The following CDH13 variants were observed in gnomAD, a reference collection of about 807,000 sequenced individuals.
CDH13 encodes cadherin 13, also known as cadherin-13.
In CDH13, 24 loss-of-function variants were observed where a neutral mutation model predicts 63.8. The ratio of observed to expected loss-of-function variants is 0.38; its 90% confidence interval spans 0.27 to 0.53. The LOEUF is 0.53. Ranked by LOEUF, CDH13 falls within the 20% of genes least tolerant of loss-of-function variation. The pLI is 0.85. For missense variants in CDH13, 1,049 were observed against 903.1 expected (o/e 1.16, Z -2.07); for synonymous variants, 503 against 355.3 (o/e 1.42, Z -4.67).
intron 2 of CDH13, among the ~76,000 whole-genome samples, chr16:82,883,423 T>A (rs1482514394): frequency 2.6e-5 from 4 of 152,214 alleles, no homozygotes; most frequent in Non-Finnish European, 5.9e-5. Context: ...AAATGCAGAT[T>A]GCCAGGCCCT....
intron 1 of CDH13, among the ~76,000 whole-genome samples, chr16:82,677,568 T>C (rs1033121429): frequency 2.0e-5 from 3 of 151,154 alleles, no homozygotes; most frequent in African/African-American, 7.3e-5. Flanking sequence ...ATAAGGCAGA[T>C]AGGATTAGGT....
intron 1 of CDH13, among the ~76,000 whole-genome samples, chr16:82,766,265 C>T (rs2035050819): frequency 6.6e-6 from 1 of 152,108 alleles, no homozygotes; most frequent in East Asian, 1.9e-4. Context: ...GGTCAAGATG[C>T]ACTGAGAATA....
intron 2 of CDH13, among the ~76,000 whole-genome samples, chr16:82,891,100 T>C (rs2041066200): frequency 6.6e-6 from 1 of 151,564 alleles, no homozygotes. Context: ...TCTTTTATTA[T>C]CTCAGAACTC....
At chr16:82,854,673 G>C (rs557617474) in intron 1 of CDH13, among the ~76,000 whole-genome samples, 3 of 152,290 alleles carry the variant, frequency 2.0e-5, no homozygotes, top group Admixed American at 1.3e-4. Context: ...TCATCTTTGA[G>C]ATCCCAGCAG....
Position 83,125,380 on chromosome 16 carries a change from T to G in CDH13, c.367-5T>G. 1 of 1,454,228 alleles carries G rather than the reference T, an allele frequency of 6.9e-7. No individual in the cohort carries two copies. The highest frequency in any genetic ancestry group is 9.7e-7 in the Non-Finnish European group (1 of 1,035,202). 90.1% of individuals were successfully genotyped at this position (1,454,228 alleles called of 1,614,324 possible). A position where few individuals can be genotyped will look rare whatever the true frequency, so the allele number is the denominator to read the frequency against. On this transcript the variant is annotated splice_region_variant and splice_polypyrimidine_tract_variant and intron_variant, in intron 3 of 13. Coordinates refer to ENST00000567109, the MANE Select transcript of CDH13 (RefSeq NM_001257.5). Reference sequence around the variant, plus strand: ...TTTAATCAATCCTTTTGTTTTCCCTTTTAGGATATATTTAAATTTGCAAGA... The same window carrying G: ...TTTAATCAATCCTTTTGTTTTCCCTGTTAGGATATATTTAAATTTGCAAGA...
At chr16:83,527,955 T>A (rs983071330) in intron 7 of CDH13, among the ~76,000 whole-genome samples, 1 of 152,192 alleles carries the variant, frequency 6.6e-6, no homozygotes, top group African/African-American at 2.4e-5. Flanking sequence ...ATATTAGAGA[T>A]CTTCCTCGAA....
At chr16:83,755,570 G>A (rs1194072528) in intron 11 of CDH13, among the ~76,000 whole-genome samples, 1 of 152,028 alleles carries the variant, frequency 6.6e-6, no homozygotes, top group African/African-American at 2.4e-5. Flanking sequence ...AATAAAAGAG[G>A]CATTTACCTG....
intron 1 of CDH13, among the ~76,000 whole-genome samples, chr16:82,851,899 T>C (rs1254602487): frequency 2.0e-5 from 3 of 152,190 alleles, no homozygotes; most frequent in Non-Finnish European, 4.4e-5. Context: ...ACCCTCCAAA[T>C]TGATCTCAAT....
chr16:83,117,392 A>G (rs757144630), intron 3 of CDH13, among the ~76,000 whole-genome samples: 6 of 126,206 alleles, frequency 4.8e-5, no homozygotes, highest in Non-Finnish European at 8.7e-5. Context: ...TTCTTCCTCC[A>G]TCTTCCACTG....
intron 4 of CDH13, among the ~76,000 whole-genome samples, chr16:83,167,246 C>T (rs1222786592): frequency 6.6e-6 from 1 of 151,080 alleles, no homozygotes; most frequent in African/African-American, 2.4e-5. Flanking sequence ...CCTGTAATCC[C>T]AGAACTTTGG....
chr16:82,673,904 C>T (rs549928479), intron 1 of CDH13, among the ~76,000 whole-genome samples: 15 of 152,284 alleles, frequency 9.9e-5, no homozygotes, highest in East Asian at 7.7e-4. Flanking sequence ...TATCCAGGTC[C>T]GGCAATGTGT....
chr16:82,966,046 G>A (rs892189512), intron 2 of CDH13, among the ~76,000 whole-genome samples: 13 of 152,210 alleles, frequency 8.5e-5, no homozygotes, highest in African/African-American at 3.1e-4. Flanking sequence ...TACCTTGGCA[G>A]GCAGGCTCAG....
At chr16:83,611,333 C>T (rs1164304258) in intron 8 of CDH13, among the ~76,000 whole-genome samples, 1 of 151,822 alleles carries the variant, frequency 6.6e-6, no homozygotes, top group African/African-American at 2.4e-5. Context: ...TTTGCCTACC[C>T]CAAAGGTTTA....
rs1200993821 is a variant in CDH13, at chr16:83,038,581, C to T, written c.366+6363C>T. ...ATGTCTGGACAGAATCATGACTTTT[C>T]CCCACCAAATCTGCTGTTTCTCATG... On this transcript the variant is annotated intron_variant, in intron 3 of 13. Coordinates refer to ENST00000567109, the MANE Select transcript of CDH13 (RefSeq NM_001257.5). Among the ~76,000 whole-genome samples, 3 of 152,166 alleles carry T rather than the reference C, an allele frequency of 2.0e-5. No individual in the cohort carries two copies. The South Asian group carries it at 6.2e-4, about 32-fold the overall frequency.
intron 4 of CDH13, among the ~76,000 whole-genome samples, chr16:83,173,635 A>G (rs1433427695): frequency 6.6e-6 from 1 of 152,114 alleles, no homozygotes; most frequent in Non-Finnish European, 1.5e-5. Flanking sequence ...TGAAATTCTA[A>G]TTTTACTAGG....
intron 7 of CDH13, among the ~76,000 whole-genome samples, chr16:83,559,437 G>C (rs1012249457): frequency 1.3e-5 from 2 of 152,068 alleles, no homozygotes; most frequent in South Asian, 2.1e-4. Flanking sequence ...TGGGCATGGT[G>C]GCGTGTACCT....
chr16:83,247,736 A>G (rs535033858), intron 5 of CDH13, among the ~76,000 whole-genome samples: 15 of 152,276 alleles, frequency 9.9e-5, no homozygotes, highest in African/African-American at 3.1e-4. Flanking sequence ...AGTCCACCCC[A>G]CCTATAATTA....
At chr16:83,330,806 A>G (rs532674617) in intron 5 of CDH13, among the ~76,000 whole-genome samples, 7 of 152,292 alleles carry the variant, frequency 4.6e-5, no homozygotes, top group South Asian at 2.1e-4. Flanking sequence ...CATGAGCCCT[A>G]TGCTTCCTCT....
intron 7 of CDH13, among the ~76,000 whole-genome samples, chr16:83,541,115 C>T (rs574830440): frequency 6.6e-6 from 1 of 152,224 alleles, no homozygotes; most frequent in Non-Finnish European, 1.5e-5. Flanking sequence ...ACTCTCAGCC[C>T]AGCTGCCACC....
Sources: allele counts gnomAD v4.1 joint callset (sites outside exome capture counted in the v4.1 genomes callset), GRCh38; gene constraint gnomAD v4.1.1; transcripts MANE v1.5; gene names NCBI Gene and HGNC (gene_info 2026-07-23, HGNC 2026-07-21).